Variants in PRR16 observed in about 807,000 individuals in gnomAD.
PRR16 encodes the protein proline rich 16.
Under a neutral mutation model 18.2 loss-of-function variants are expected in PRR16, and 6 were observed. The observed-to-expected ratio is 0.33, with a 90% CI of 0.18 to 0.65. The LOEUF (loss-of-function observed/expected upper bound fraction) is 0.65, where lower values mean the gene tolerates loss of function less well. PRR16 is among the 30% of genes least tolerant of loss of function. PRR16 has a pLI of 0.74. For synonymous variants in PRR16, 151 were observed against 147.8 expected (o/e 1.02, Z -0.16); for missense variants, 412 against 376.6 (o/e 1.09, Z -0.78).
At chr5:120,753,260 T>C in the PRR16 span, among the ~76,000 whole-genome samples, 1 of 151,970 alleles carries the variant, frequency 6.6e-6, no homozygotes, top group Non-Finnish European at 1.5e-5. Context: ...AATCTGACAA[T>C]CAGTCACTCA....
At chr5:120,610,588 G>A (rs1381205931) in intron 1 of PRR16, among the ~76,000 whole-genome samples, 3 of 151,940 alleles carry the variant, frequency 2.0e-5, no homozygotes, top group South Asian at 2.1e-4. Flanking sequence ...AAGAGATCAC[G>A]AGATCTAATA....
chr5:120,489,980 C>G (rs968576263), intron 1 of PRR16, among the ~76,000 whole-genome samples: 7 of 152,100 alleles, frequency 4.6e-5, no homozygotes, highest in Non-Finnish European at 1.0e-4. Flanking sequence ...AATATTGGCC[C>G]CCACTCTCTT....
chr5:120,523,924 A>C (rs1021999508), intron 1 of PRR16, among the ~76,000 whole-genome samples: 14 of 152,214 alleles, frequency 9.2e-5, no homozygotes, highest in African/African-American at 3.4e-4. Flanking sequence ...ATATTTGAAA[A>C]GCAGAGAGGG....
At chr5:120,558,401 T>G (rs1752480624) in intron 1 of PRR16, among the ~76,000 whole-genome samples, 1 of 151,910 alleles carries the variant, frequency 6.6e-6, no homozygotes, top group East Asian at 1.9e-4. Context: ...AACATGTGAA[T>G]TTGTTTTTCT....
intron 1 of PRR16, among the ~76,000 whole-genome samples, chr5:120,668,926 G>C (rs890284557): frequency 2.2e-4 from 33 of 151,872 alleles, no homozygotes; most frequent in African/African-American, 7.7e-4. Flanking sequence ...TAACGCGTCC[G>C]CATCAAATAA....
chr5:120,466,068 G>A (rs1749069584), intron 1 of PRR16, among the ~76,000 whole-genome samples: 3 of 152,120 alleles, frequency 2.0e-5, no homozygotes, highest in African/African-American at 7.2e-5. Flanking sequence ...TTACTCCACA[G>A]ACAGAACATA....
chr5:120,684,495 A>G (rs899475935), intron 1 of PRR16, among the ~76,000 whole-genome samples: 90 of 151,010 alleles, frequency 6.0e-4, no homozygotes, highest in African/African-American at 2.0e-3. Flanking sequence ...TCCATATGGA[A>G]TAAATGTGAT....
At chr5:120,755,545 C>A in the PRR16 span, among the ~76,000 whole-genome samples, 1 of 152,078 alleles carries the variant, frequency 6.6e-6, no homozygotes, top group Non-Finnish European at 1.5e-5. Context: ...GTCCATGTTA[C>A]TGCAAATAAT....
intron 1 of PRR16, among the ~76,000 whole-genome samples, chr5:120,475,024 AGATGATGATGATGAC>A (rs1749395108): frequency 1.3e-5 from 2 of 152,172 alleles, no homozygotes; most frequent in Non-Finnish European, 2.9e-5. Context: ...GACAAATTAT[AGATGATGATGATGAC>A]GATGATGATG....
At chr5:120,700,432 G>A in the PRR16 span, among the ~76,000 whole-genome samples, 1 of 151,976 alleles carries the variant, frequency 6.6e-6, no homozygotes, top group African/African-American at 2.4e-5. Flanking sequence ...CATACTTGTG[G>A]GTTAAGGTGG....
At chr5:120,538,635 A>AAGT (rs1238532397) in intron 1 of PRR16, among the ~76,000 whole-genome samples, 1 of 152,236 alleles carries the variant, frequency 6.6e-6, no homozygotes, top group East Asian at 1.9e-4. Flanking sequence ...GAAATAAAAG[A>AAGT]AGTACAGGTC....
chr5:120,753,343 A>G, the PRR16 span, among the ~76,000 whole-genome samples: 1 of 152,026 alleles, frequency 6.6e-6, no homozygotes, highest in Non-Finnish European at 1.5e-5. Flanking sequence ...CGTCTTTTGC[A>G]TGCTGCAAAT....
the PRR16 span, among the ~76,000 whole-genome samples, chr5:120,704,746 CAGT>C: frequency 1.3e-5 from 2 of 152,012 alleles, no homozygotes; most frequent in East Asian, 1.9e-4. Flanking sequence ...TCTAGTATAT[CAGT>C]AGAATTAACA....
At chr5:120,491,094 G>A (rs1054184034) in intron 1 of PRR16, among the ~76,000 whole-genome samples, 33 of 152,154 alleles carry the variant, frequency 2.2e-4, no homozygotes, top group Admixed American at 8.5e-4. Context: ...AGGCTACTCG[G>A]GGTCAGGGAC....
At chr5:120,642,270 T>C (rs1032750813) in intron 1 of PRR16, among the ~76,000 whole-genome samples, 31 of 152,026 alleles carry the variant, frequency 2.0e-4, no homozygotes, top group Non-Finnish European at 2.6e-4. Context: ...GTTTTTTTTT[T>C]TCCCCTAACA....
At chr5:120,516,317 C>T (rs543032460) in intron 1 of PRR16, among the ~76,000 whole-genome samples, 119 of 149,794 alleles carry the variant, frequency 7.9e-4, no homozygotes, top group African/African-American at 2.7e-3. Context: ...CCCAGCTACT[C>T]GGGAGGCTGC....
chr5:120,693,936 A>G, the PRR16 span, among the ~76,000 whole-genome samples: 2 of 152,196 alleles, frequency 1.3e-5, no homozygotes, highest in African/African-American at 2.4e-5. Flanking sequence ...CTCAAATTAC[A>G]TGGTTTCACA....
downstream of PRR16, among the ~76,000 whole-genome samples, chr5:120,689,765 T>C (rs1223692317): frequency 2.6e-5 from 4 of 151,968 alleles, no homozygotes; most frequent in African/African-American, 7.2e-5. Flanking sequence ...TTTGGTTTTT[T>C]TTTTTTACTT....
chr5:120,678,141 C>G (rs934238745), intron 1 of PRR16, among the ~76,000 whole-genome samples: 2 of 151,836 alleles, frequency 1.3e-5, no homozygotes, highest in Non-Finnish European at 2.9e-5. Flanking sequence ...GATCTCCTGA[C>G]CTGGTGATCC....
Sources: allele counts gnomAD v4.1 joint callset (sites outside exome capture counted in the v4.1 genomes callset), GRCh38; gene constraint gnomAD v4.1.1; transcripts MANE v1.5; gene names NCBI Gene and HGNC (gene_info 2026-07-23, HGNC 2026-07-21).